ZNF608: variants seen among roughly 807,000 people sequenced by gnomAD.
The protein encoded by ZNF608 is renal carcinoma antigen NY-REN-36.
A neutral mutation model predicts 109.0 loss-of-function variants in ZNF608; 12 were observed. That is an observed-to-expected ratio of 0.11 (90% confidence interval 0.07 to 0.18). ZNF608 has a LOEUF of 0.18. ZNF608 is among the 10% of genes least tolerant of loss of function. The pLI is 1.00. For missense variants in ZNF608, 1,707 were observed against 1,879.3 expected, an observed-to-expected ratio of 0.91 and a Z score of 1.70; for synonymous variants, 732 against 717.4, an observed-to-expected ratio of 1.02 and a Z score of -0.33.
At chr5:124,707,730 T>A (rs888914468) in intron 2 of ZNF608, 6 of 152,180 alleles carry the variant, frequency 3.9e-5, no homozygotes, top group Admixed American at 3.3e-4. Flanking sequence ...TTAACCACCC[T>A]TTTTCTGCCT....
intron 2 of ZNF608, among the ~76,000 whole-genome samples, chr5:124,706,718 C>T (rs1407222116): frequency 6.6e-6 from 1 of 152,164 alleles, no homozygotes; most frequent in Non-Finnish European, 1.5e-5. Flanking sequence ...AGCAGGAAAG[C>T]AGCCATCTCC....
chr5:124,690,940 C>CAG (rs1561562280), intron 3 of ZNF608, among the ~76,000 whole-genome samples: 1 of 107,090 alleles, frequency 9.3e-6, no homozygotes, highest in Admixed American at 1.0e-4. Context: ...CACACACACA[C>CAG]ACACACACAC....
chr5:124,714,115 C>A (rs970049384), intron 2 of ZNF608, among the ~76,000 whole-genome samples: 1 of 151,842 alleles, frequency 6.6e-6, no homozygotes. Flanking sequence ...ACGGAGCTGA[C>A]AAAGAAGTAA....
intron 3 of ZNF608, among the ~76,000 whole-genome samples, chr5:124,688,402 A>G (rs1752483104): frequency 6.6e-6 from 1 of 152,206 alleles, no homozygotes; most frequent in African/African-American, 2.4e-5. Context: ...CTTTCTACCT[A>G]GGGTAGGACC....
chr5:124,642,258 C>T (rs1750276050), intron 7 of ZNF608, among the ~76,000 whole-genome samples: 1 of 152,210 alleles, frequency 6.6e-6, no homozygotes, highest in African/African-American at 2.4e-5. Context: ...AGAGCAGTCA[C>T]CTTTTTTGGG....
At chr5:124,655,744 T>TC (rs1398912530) in intron 3 of ZNF608, among the ~76,000 whole-genome samples, 2 of 152,174 alleles carry the variant, frequency 1.3e-5, no homozygotes, top group African/African-American at 4.8e-5. Context: ...CAGGACTCCC[T>TC]CCCCCCATTA....
intron 2 of ZNF608, among the ~76,000 whole-genome samples, chr5:124,706,489 C>T (rs1207073214): frequency 6.6e-6 from 1 of 152,148 alleles, no homozygotes; most frequent in Non-Finnish European, 1.5e-5. Context: ...GAGGCAACAA[C>T]AAATCCCTTT....
At chr5:124,690,954 C>A (rs12656378) in intron 3 of ZNF608, among the ~76,000 whole-genome samples, 6 of 150,722 alleles carry the variant, frequency 4.0e-5, no homozygotes, top group South Asian at 2.1e-4. Flanking sequence ...CACACACACA[C>A]ATAATGGAAA....
rs1193759151 is a variant in ZNF608, at chr5:124,643,601, G to A, written c.4206C>T (p.Ser1402=). Reference sequence around the variant, plus strand: ...TGGTTGTTTTCGTGTTGACGCTAGGGCTGGTATTGACTTTCTCTGTCTCTT... The same window carrying A: ...TGGTTGTTTTCGTGTTGACGCTAGGACTGGTATTGACTTTCTCTGTCTCTT... ...GREETEKVNT[S]PSVNTKTTTE... Residue 1402 remains serine, a synonymous_variant, in exon 7 of 10, where the codon AGC becomes AGT. Transcript: ENST00000513986. The A allele has an allele frequency of 6.2e-7, 1 of 1,614,160 alleles. No individual in the cohort carries two copies. The highest frequency in any genetic ancestry group is 8.5e-7 in the Non-Finnish European group (1 of 1,180,010).
intron 2 of ZNF608, among the ~76,000 whole-genome samples, chr5:124,704,811 AC>A (rs1174463276): frequency 6.6e-6 from 1 of 151,924 alleles, no homozygotes; most frequent in Non-Finnish European, 1.5e-5. Flanking sequence ...GCCTAGCCCA[AC>A]CTACTCAGTC....
intron 3 of ZNF608, among the ~76,000 whole-genome samples, chr5:124,657,674 C>CA (rs1751075589): frequency 6.6e-6 from 1 of 151,784 alleles, no homozygotes; most frequent in Non-Finnish European, 1.5e-5. Context: ...GACTCCATCT[C>CA]AAAAAAACAA....
At chr5:124,650,984 T>C (rs754619076) in intron 3 of ZNF608, among the ~76,000 whole-genome samples, 2 of 152,242 alleles carry the variant, frequency 1.3e-5, no homozygotes, top group Non-Finnish European at 2.9e-5. Context: ...TGGAGAACGA[T>C]TTCTTTCCAA....
At chr5:124,711,917 T>C (rs1049706801) in intron 2 of ZNF608, among the ~76,000 whole-genome samples, 2 of 152,038 alleles carry the variant, frequency 1.3e-5, no homozygotes, top group Non-Finnish European at 2.9e-5. Flanking sequence ...ATTGTTAATG[T>C]GGTAAAAAGC....
chr5:124,737,101 C>T (rs776302836), intron 2 of ZNF608, among the ~76,000 whole-genome samples: 2 of 152,310 alleles, frequency 1.3e-5, no homozygotes, highest in African/African-American at 4.8e-5. Flanking sequence ...TAAAATTATA[C>T]GTCTGTGGCA....
chr5:124,709,170 C>CAAA (rs1156276798), intron 2 of ZNF608, among the ~76,000 whole-genome samples: 673 of 32,680 alleles, frequency 0.021, 115 homozygotes, highest in African/African-American at 0.066. Flanking sequence ...GACTCTGTCT[C>CAAA]AAAAAAAAAA....
Position 124,729,918 on chromosome 5 carries a change from C to G in ZNF608, c.906+14166G>C, listed in dbSNP as rs72781243. 1.8e-3 allele frequency among the ~76,000 whole-genome samples: 270 copies of G among 152,310 alleles called. 1 individual carries two copies. Among genetic ancestry groups the G allele is most frequent in the Non-Finnish European group, 3.4e-3 (229 of 68,032 alleles). ...ACCACATCTACCACAGCAAAACACT[C>G]TCTCTCCAATAATCTCTCCAATTAT... On this transcript the variant is annotated intron_variant, in intron 2 of 9. Coordinates refer to ENST00000513986, the MANE Select transcript of ZNF608 (RefSeq NM_020747.3).
At chr5:124,728,280 G>A (rs548936883) in intron 2 of ZNF608, among the ~76,000 whole-genome samples, 194 of 152,270 alleles carry the variant, frequency 1.3e-3, no homozygotes, top group Non-Finnish European at 2.3e-3. Context: ...GGTTGGTATT[G>A]GAGGGCAAAG....
chr5:124,702,326 T>G lies in ZNF608; in HGVS notation c.907-1057A>C, dbSNP rs552365742. Among the ~76,000 whole-genome samples the G allele has an allele frequency of 2.0e-5, 3 of 152,298 alleles. No homozygotes were observed. In the South Asian group the frequency reaches 6.2e-4, roughly 32 times the overall value. On this transcript the variant is annotated intron_variant, in intron 2 of 9. Coordinates refer to ENST00000513986, the MANE Select transcript of ZNF608 (RefSeq NM_020747.3). ...TGTTGCACATAGAAACGGCCTACAT[T>G]TAAGGGATGACACCTTGCATGTATT...
chr5:124,684,000 C>A (rs1467995264), intron 3 of ZNF608, among the ~76,000 whole-genome samples: 1 of 152,140 alleles, frequency 6.6e-6, no homozygotes, highest in Non-Finnish European at 1.5e-5. Flanking sequence ...TCTACTCAAA[C>A]CAGACCCTGC....
Sources: gnomAD v4.1 joint callset for allele counts (sites outside exome capture counted in the v4.1 genomes callset) on GRCh38, gnomAD v4.1.1 for gene constraint, MANE v1.5 for transcripts, NCBI Gene and HGNC (gene_info 2026-07-23, HGNC 2026-07-21) for gene names.